LRSAM1: variants seen among roughly 807,000 people sequenced by gnomAD.
LRSAM1 encodes E3 ubiquitin-protein ligase LRSAM1.
Under a neutral mutation model 118.1 loss-of-function variants are expected in LRSAM1, and 96 were observed. The ratio of observed to expected loss-of-function variants is 0.81; its 90% CI spans 0.69 to 0.96. The LOEUF (loss-of-function observed/expected upper bound fraction) is 0.96. Among genes scored for constraint, LRSAM1 ranks in the 40% least tolerant of loss-of-function variants. The probability of loss-of-function intolerance (pLI) is 0.00; values close to 1 mark genes in which losing one functional copy is unlikely to be tolerated. For missense variants in LRSAM1, 804 were observed against 915.5 expected (o/e 0.88, Z 1.57); for synonymous variants, 322 against 364.2 (o/e 0.88, Z 1.32).
rs1169764689 is a variant in LRSAM1 at position 127,483,057 on chromosome 9, C to T, written c.1159+37C>T. The T allele has an allele frequency of 4.4e-6, 7 of 1,600,224 alleles. No individual in the cohort carries two copies. In the Admixed American group the frequency reaches 6.8e-5, roughly 16 times the overall value. On this transcript the variant is annotated intron_variant, in intron 16 of 25. Coordinates refer to ENST00000300417, the MANE Select transcript of LRSAM1 (RefSeq NM_001005373.4). ...GATGGGGAGCTTGTGAGCACGCTGC[C>T]TGCTGGCTGGGCTGGCAGGGTGGAT...
chr9:127,487,749 C>A lies in LRSAM1; in HGVS notation c.1333C>A (p.Gln445Lys). ...AATGGATCAGAACAAAGCCATCAGC[C>A]AGATCCTGCAGGAGGTGAGCCCTCG... ...QQMDQNKAIS[Q>K]ILQESAMQKA... Residue 445 changes from glutamine (Q) to lysine (K), a missense_variant, in exon 18 of 26, where the codon CAG becomes AAG. Physicochemically the swap from Gln to Lys is moderately conservative, Grantham distance 53. Transcript: ENST00000300417. 1 of 1,612,914 alleles carries A rather than the reference C, an allele frequency of 6.2e-7. No homozygotes were observed. Among genetic ancestry groups the A allele is most frequent in the South Asian group, 1.1e-5 (1 of 90,784 alleles).
At chr9:127,455,706 C>A in intron 5 of LRSAM1, 86 bp downstream of exon 5, 2 of 1,262,378 alleles carry the variant, frequency 1.6e-6, no homozygotes, top group South Asian at 2.4e-5. Context: ...GCTGTCTTCC[C>A]GGCGTAGACA....
chr9:127,500,540 C>T (rs771480471), intron 24 of LRSAM1, among the ~76,000 whole-genome samples: 7 of 152,118 alleles, frequency 4.6e-5, no homozygotes, highest in Non-Finnish European at 8.8e-5. Flanking sequence ...TGGGCAGCAG[C>T]CCATCCTGTC....
chr9:127,453,005 C>T (rs1436326412), intron 2 of LRSAM1, among the ~76,000 whole-genome samples: 1 of 152,214 alleles, frequency 6.6e-6, no homozygotes, highest in Non-Finnish European at 1.5e-5. Context: ...TGAGAGACCA[C>T]GGTTCCAGGC....
chr9:127,463,858 G>A (rs1025858548), intron 9 of LRSAM1, among the ~76,000 whole-genome samples: 21 of 152,306 alleles, frequency 1.4e-4, no homozygotes, highest in African/African-American at 4.6e-4. Context: ...TCCGTGTATC[G>A]TCACAGAACT....
intron 6 of LRSAM1, among the ~76,000 whole-genome samples, chr9:127,458,774 A>G (rs1834623583): frequency 6.6e-6 from 1 of 152,208 alleles, no homozygotes; most frequent in Non-Finnish European, 1.5e-5. Flanking sequence ...TTTATAGCAT[A>G]GTTTTTCAGT....
At chr9:127,479,808 AG>A in intron 13 of LRSAM1, 30 bp from the exon 14 acceptor site, 1 of 1,607,890 alleles carries the variant, frequency 6.2e-7, no homozygotes. Flanking sequence ...AGGGGGTCCC[AG>A]GGGCTCAGGA....
rs138226428 is a variant in LRSAM1, at chr9:127,487,695, C to T, written c.1279C>T (p.Arg427Ter). The change falls in exon 18 of 26, where the codon CGA becomes TGA. Residue 427 changes from arginine to a stop codon, truncating the protein, a stop_gained. Transcript: ENST00000300417. LOFTEE classifies it high-confidence loss of function. ...ACSSMAEMDE[R>*]FQQILSWQQM... Reference sequence around the variant, plus strand: ...TGGCAGCATGGCCGAAATGGATGAACGATTCCAGCAGATTCTGTCGTGGCA... The same window carrying T: ...TGGCAGCATGGCCGAAATGGATGAATGATTCCAGCAGATTCTGTCGTGGCA... The T allele has an allele frequency of 9.3e-6, 15 of 1,613,612 alleles. No homozygotes were observed. The highest frequency in any genetic ancestry group is 1.3e-5 in the Non-Finnish European group (15 of 1,179,904).
intron 25 of LRSAM1, among the ~76,000 whole-genome samples, chr9:127,501,404 TCAA>T (rs1446413752): frequency 3.9e-5 from 6 of 152,260 alleles, no homozygotes; most frequent in African/African-American, 9.6e-5. Context: ...TCATGAAATA[TCAA>T]CAACATGATT....
rs1203733483 is a variant in LRSAM1, at chr9:127,495,375, A to G, written c.1655A>G (p.Tyr552Cys). ...TRQENYWLIQ[Y>C]QRLLNQKPLS... ...CAGGAAAATTACTGGCTGATTCAGT[A>G]TCAACGGCTTTTGAACCAGAAGCCC... The change falls in exon 22 of 26, where the codon TAT (tyrosine) becomes TGT (cysteine). Residue 552 changes from tyrosine to cysteine, a missense_variant. Tyr to Cys is a radical substitution (Grantham distance 194, BLOSUM62 -2). Coordinates refer to ENST00000300417, the MANE Select transcript of LRSAM1 (RefSeq NM_001005373.4). The G allele has an allele frequency of 1.2e-6, 2 of 1,613,934 alleles. No homozygotes were observed. The highest frequency in any genetic ancestry group is 2.7e-5 in the African/African-American group (2 of 74,940).
chr9:127,502,744 C>T (rs377458654), intron 25 of LRSAM1, 30 bp from the exon 26 acceptor site: 1 of 1,610,908 alleles, frequency 6.2e-7, no homozygotes, highest in Non-Finnish European at 8.5e-7. Context: ...CCGGTAGGGC[C>T]AGCCACATGC....
At chr9:127,488,860 G>A (rs1043611648) in intron 18 of LRSAM1, among the ~76,000 whole-genome samples, 2 of 152,014 alleles carry the variant, frequency 1.3e-5, no homozygotes, top group African/African-American at 4.8e-5. Context: ...CAGAGTGCTG[G>A]GATTACAGAC....
intron 12 of LRSAM1, 101 bp from the exon 13 acceptor site, chr9:127,479,282 G>A: frequency 6.4e-7 from 1 of 1,562,636 alleles, no homozygotes; most frequent in African/African-American, 1.4e-5. Flanking sequence ...ATGAAGACCT[G>A]GAGCCTGCCC....
chr9:127,502,986 C>A lies in LRSAM1; in HGVS notation c.*87C>A. Reference sequence around the variant, plus strand: ...CCTGCTCAGCCTTGTGCCAGCCAGACTCGTATGAGGCTCCCCCCTGCCCTG... The same window carrying A: ...CCTGCTCAGCCTTGTGCCAGCCAGAATCGTATGAGGCTCCCCCCTGCCCTG... On this transcript the variant is annotated 3_prime_UTR_variant, in exon 26 of 26. Transcript: ENST00000300417. 1.3e-6 allele frequency: 2 copies of A among 1,521,884 alleles called. No individual in the cohort carries two copies. The highest frequency in any genetic ancestry group is 1.8e-6 in the Non-Finnish European group (2 of 1,128,262). 94.3% of individuals were successfully genotyped at this position (1,521,884 alleles called of 1,614,324 possible). A position where few individuals can be genotyped will look rare whatever the true frequency, so the allele number is the denominator to read the frequency against.
intron 23 of LRSAM1, among the ~76,000 whole-genome samples, chr9:127,496,301 TC>T (rs1836142124): frequency 6.6e-6 from 1 of 152,216 alleles, no homozygotes; most frequent in Non-Finnish European, 1.5e-5. Flanking sequence ...CACTGGGAAA[TC>T]CTGGGGAGGT....
At chr9:127,464,669 G>C (rs1834866842) in intron 9 of LRSAM1, among the ~76,000 whole-genome samples, 1 of 151,408 alleles carries the variant, frequency 6.6e-6, no homozygotes, top group Non-Finnish European at 1.5e-5. Flanking sequence ...TTTGAGACAG[G>C]CTCTCATGCT....
intron 23 of LRSAM1, among the ~76,000 whole-genome samples, 153 bp downstream of exon 23, chr9:127,496,248 G>A (rs886335760): frequency 2.0e-5 from 3 of 152,248 alleles, no homozygotes; most frequent in Non-Finnish European, 4.4e-5. Flanking sequence ...CAGAACACCT[G>A]CCCATCTGCC....
intron 9 of LRSAM1, among the ~76,000 whole-genome samples, 164 bp from the exon 10 acceptor site, chr9:127,467,576 A>G (rs1443197744): frequency 6.6e-6 from 1 of 152,244 alleles, no homozygotes; most frequent in African/African-American, 2.4e-5. Context: ...CATCCCAGGC[A>G]CTGGGAACGC....
At chr9:127,462,948 C>T (rs558476399) in intron 9 of LRSAM1, among the ~76,000 whole-genome samples, 1 of 152,090 alleles carries the variant, frequency 6.6e-6, no homozygotes, top group African/African-American at 2.4e-5. Context: ...GTAATCCCAG[C>T]ACTTTGGGAG....
Sources: gnomAD v4.1 joint callset for allele counts (sites outside exome capture counted in the v4.1 genomes callset) on GRCh38, gnomAD v4.1.1 for gene constraint, MANE v1.5 for transcripts, NCBI Gene and HGNC (gene_info 2026-07-23, HGNC 2026-07-21) for gene names.